Variants in B3GAT2 observed in about 807,000 individuals in gnomAD.
B3GAT2 encodes galactosylgalactosylxylosylprotein 3-beta-glucuronosyltransferase 2.
In B3GAT2, 26 loss-of-function variants were observed where a neutral mutation model predicts 27.8. That is an observed-to-expected ratio of 0.93 (90% CI 0.68 to 1.30). The LOEUF (loss-of-function observed/expected upper bound fraction) is 1.30, where lower values mean the gene tolerates loss of function less well. B3GAT2 is among the 50% of genes most tolerant of loss of function. The pLI is 0.00. For missense variants in B3GAT2, 458 were observed against 459.0 expected (o/e 1.00, Z 0.02); for synonymous variants, 218 against 195.1 (o/e 1.12, Z -0.98).
chr6:70,904,155 T>A (rs1772557441), intron 1 of B3GAT2, among the ~76,000 whole-genome samples: 1 of 152,186 alleles, frequency 6.6e-6, no homozygotes, highest in Admixed American at 6.5e-5. Flanking sequence ...TCATATAGTG[T>A]TATTCCACTT....
Position 70,859,316 on chromosome 6 carries a change from C to T in B3GAT2, c.*2347G>A, listed in dbSNP as rs1194670851. The T allele has an allele frequency of 6.5e-7, 1 of 1,541,136 alleles. No homozygotes were observed. The highest frequency in any genetic ancestry group is 8.8e-7 in the Non-Finnish European group (1 of 1,141,844). On this transcript the variant is annotated 3_prime_UTR_variant, in exon 4 of 4. Transcript: ENST00000230053. ...TGAACCAGGAAGGAGTTAATACTGG[C>T]TCTTACTTCCAGATAATGCAGAAGG...
intron 1 of B3GAT2, among the ~76,000 whole-genome samples, chr6:70,920,936 T>C (rs79311325): frequency 6.6e-6 from 1 of 152,220 alleles, no homozygotes; most frequent in African/African-American, 2.4e-5. Flanking sequence ...GAATTTTTTT[T>C]GCTGAACATA....
At chr6:70,879,120 A>G (rs1772059866) in intron 2 of B3GAT2, among the ~76,000 whole-genome samples, 1 of 152,170 alleles carries the variant, frequency 6.6e-6, no homozygotes, top group Non-Finnish European at 1.5e-5. Context: ...TGGTACAGCA[A>G]TCTTCCTATT....
chr6:70,889,037 C>T (rs761444073), intron 2 of B3GAT2, among the ~76,000 whole-genome samples: 1 of 152,228 alleles, frequency 6.6e-6, no homozygotes, highest in Non-Finnish European at 1.5e-5. Context: ...GGGGCTGCTA[C>T]ATTCAGTGTG....
chr6:70,898,898 G>A (rs1772440519), intron 1 of B3GAT2, among the ~76,000 whole-genome samples: 2 of 151,946 alleles, frequency 1.3e-5, no homozygotes, highest in Non-Finnish European at 2.9e-5. Context: ...GGGAAGTAGA[G>A]GTTGCAGTGA....
Position 70,888,541 on chromosome 6 carries a change from G to C in B3GAT2, c.736+5587C>G, listed in dbSNP as rs144866210. On this transcript the variant is annotated intron_variant, in intron 2 of 3. Coordinates refer to ENST00000230053, the MANE Select transcript of B3GAT2 (RefSeq NM_080742.3). ...AAGACCTCCTCTCACCTCCCAGCCC[G>C]CTACGGGCTCATTACCCAGATGGCT... Among the ~76,000 whole-genome samples, 319 of 152,074 alleles carry C rather than the reference G, an allele frequency of 2.1e-3. No individual in the cohort carries two copies. The Middle Eastern group carries it at 0.031, about 15-fold the overall frequency.
Position 70,954,428 on chromosome 6 carries a change from AAG to A in B3GAT2, c.591+1409_591+1410del, listed in dbSNP as rs558509783. ...CAATTACTGTGCCTTTTATTCATGAAAGAGAGGATGAATAGAAATGAAGGCGG... is the reference window on the plus strand; with the variant it reads ...CAATTACTGTGCCTTTTATTCATGAAAGAGGATGAATAGAAATGAAGGCGG... On this transcript the variant is annotated intron_variant, in intron 1 of 3. Transcript: ENST00000230053. Among the ~76,000 whole-genome samples, 90 of 152,338 alleles carry A rather than the reference AAG, an allele frequency of 5.9e-4. 2 individuals carry two copies. The highest frequency in any genetic ancestry group is 1.9e-3 in the African/African-American group (81 of 41,580).
At chr6:70,911,597 CT>C (rs1316843941) in intron 1 of B3GAT2, among the ~76,000 whole-genome samples, 7 of 152,066 alleles carry the variant, frequency 4.6e-5, no homozygotes, top group Non-Finnish European at 1.0e-4. Flanking sequence ...CAGTTTTGTT[CT>C]TTTTGCTCAG....
chr6:70,881,303 C>T (rs755242264), intron 2 of B3GAT2, among the ~76,000 whole-genome samples: 1 of 152,190 alleles, frequency 6.6e-6, no homozygotes, highest in Non-Finnish European at 1.5e-5. Flanking sequence ...GATGCCACAT[C>T]TTTTAAAATC....
In B3GAT2 at chr6:70,955,980, C is replaced by G. The variant is rs759666660; in HGVS notation, c.450G>C (p.Arg150=). 2.1e-6 allele frequency: 3 copies of G among 1,462,310 alleles called. No homozygotes were observed. In the East Asian group the frequency reaches 8.3e-5, roughly 41 times the overall value. 90.6% of individuals were successfully genotyped at this position (1,462,310 alleles called of 1,614,324 possible). A position where few individuals can be genotyped will look rare whatever the true frequency, so the allele number is the denominator to read the frequency against. The change falls in exon 1 of 4, where the codon CGG becomes CGC. Residue 150 remains arginine (R), a synonymous_variant. Transcript: ENST00000230053. ...GCTCAGTGGCGCGCGGCAGCCCGGG[C>G]CGCTTGTAGCGCCGCGGCGTGGGCA... ...LHVPTPRRYK[R]PGLPRATEQR... is the part of the protein sequence containing the mutation.
Position 70,860,383 on chromosome 6 carries a change from T to C in B3GAT2, c.*1280A>G, listed in dbSNP as rs776875226. The C allele has an allele frequency of 1.9e-6, 3 of 1,568,232 alleles. No homozygotes were observed. In the South Asian group the frequency reaches 3.6e-5, roughly 19 times the overall value. ...AGAACTACCACCTGACATTCCTTGC[T>C]GAAACGCATCTAGTTCCCCTGTTTA... On this transcript the variant is annotated 3_prime_UTR_variant, in exon 4 of 4. Transcript: ENST00000230053.
At position 70,857,183 on chromosome 6, in the gene B3GAT2, C is replaced by A; in HGVS notation, c.*4480G>T. 1 of 672,154 alleles carries A rather than the reference C, an allele frequency of 1.5e-6. No individual in the cohort carries two copies. Among genetic ancestry groups the A allele is most frequent in the Non-Finnish European group, 2.2e-6 (1 of 452,040 alleles). The allele number at this position is 672,154 out of a possible 1,614,324, so 41.6% of individuals were successfully genotyped here. On this transcript the variant is annotated 3_prime_UTR_variant, in exon 4 of 4. Coordinates refer to ENST00000230053, the MANE Select transcript of B3GAT2 (RefSeq NM_080742.3). ...CAACTATGAAGCCGAAATGAATGAG[C>A]ATTAGAATTAAAAAATTAAGAGGCA...
At position 70,861,743 on chromosome 6, in the gene B3GAT2, C is replaced by T. The variant is rs201452528; in HGVS notation, c.892G>A (p.Val298Met). ...PKANNCTKVLVWHTRTEKVNL... is the reference protein window; with the variant it reads ...PKANNCTKVLMWHTRTEKVNL... ...ACCTTCTCTGTCCGAGTGTGCCACA[C>T]GAGAACCTGAAGGGGAAGGAAATAG... The change falls in exon 4 of 4, where the codon GTG (valine) becomes ATG (methionine). Residue 298 changes from valine (V) to methionine (M), a missense_variant. Transcript: ENST00000230053. 14 of 1,614,048 alleles carry T rather than the reference C, an allele frequency of 8.7e-6. No individual in the cohort carries two copies. The highest frequency in any genetic ancestry group is 6.7e-5 in the East Asian group (3 of 44,870).
At chr6:70,952,454 T>C (rs1765592306) in intron 1 of B3GAT2, among the ~76,000 whole-genome samples, 4 of 152,224 alleles carry the variant, frequency 2.6e-5, no homozygotes, top group African/African-American at 9.6e-5. Context: ...GAAGGTTTTC[T>C]GGTGAAAAAC....
At chr6:70,936,859 C>G (rs1227065468) in intron 1 of B3GAT2, among the ~76,000 whole-genome samples, 4 of 152,000 alleles carry the variant, frequency 2.6e-5, no homozygotes, top group Non-Finnish European at 5.9e-5. Context: ...GAAGCAAGAG[C>G]AAACACATTC....
chr6:70,901,068 C>T (rs1431687236), intron 1 of B3GAT2, among the ~76,000 whole-genome samples: 1 of 152,158 alleles, frequency 6.6e-6, no homozygotes, highest in Non-Finnish European at 1.5e-5. Flanking sequence ...AGCAAGGATT[C>T]TTTCCAATTT....
In B3GAT2 at chr6:70,861,042, C is replaced by G. The variant is rs57035119; in HGVS notation, c.*621G>C. On this transcript the variant is annotated 3_prime_UTR_variant, in exon 4 of 4. Transcript: ENST00000230053. ...ATGCAAACAGGGTAACTAACTAAAA[C>G]AAAGCCACTTTCAATCTTCAATCCT... The G allele has an allele frequency of 1.3e-5, 3 of 238,572 alleles. No homozygotes were observed. The highest frequency in any genetic ancestry group is 2.4e-5 in the Non-Finnish European group (3 of 124,352). The allele number at this position is 238,572 out of a possible 1,614,324, so 14.8% of individuals were successfully genotyped here. A position where few individuals can be genotyped will look rare whatever the true frequency, so the allele number is the denominator to read the frequency against.
chr6:70,940,267 G>A (rs1349864126), intron 1 of B3GAT2, among the ~76,000 whole-genome samples: 2 of 152,066 alleles, frequency 1.3e-5, no homozygotes, highest in African/African-American at 4.8e-5. Flanking sequence ...AGCAATGTTT[G>A]CAAAAAGAGA....
Position 70,860,212 on chromosome 6 carries a change from A to T in B3GAT2, c.*1451T>A. ...ATATGTTTCACAGATGAATCAGCAG[A>T]TGGCTGGCATGAGTATCAGTAGTGC... On this transcript the variant is annotated 3_prime_UTR_variant, in exon 4 of 4. Coordinates refer to ENST00000230053, the MANE Select transcript of B3GAT2 (RefSeq NM_080742.3). 9 of 1,609,362 alleles carry T rather than the reference A, an allele frequency of 5.6e-6. No homozygotes were observed. Among genetic ancestry groups the T allele is most frequent in the East Asian group, 2.2e-5 (1 of 44,798 alleles).
Sources: allele counts gnomAD v4.1 joint callset (sites outside exome capture counted in the v4.1 genomes callset), GRCh38; gene constraint gnomAD v4.1.1; transcripts MANE v1.5; gene names NCBI Gene and HGNC (gene_info 2026-07-23, HGNC 2026-07-21).